The following DMGDH variants were observed in gnomAD, a reference collection of about 807,000 sequenced individuals.
DMGDH encodes the protein dimethylglycine dehydrogenase.
DMGDH carries 76 observed loss-of-function variants against 95.2 expected under a neutral mutation model. The observed-to-expected ratio is 0.80, with a 90% CI of 0.66 to 0.97. The LOEUF is 0.97. Among genes scored for constraint, DMGDH ranks in the 50% least tolerant of loss-of-function variants. DMGDH has a pLI of 0.00. For synonymous variants in DMGDH, 345 were observed against 377.6 expected (o/e 0.91, Z 1.00); for missense variants, 987 against 1,055.0 (o/e 0.94, Z 0.89).
At position 79,063,676 on chromosome 5, in the gene DMGDH, T is replaced by A. The variant is rs777644267; in HGVS notation, c.213A>T (p.Ala71=). 1.2e-6 allele frequency: 2 copies of A among 1,614,222 alleles called. No homozygotes were observed. The highest frequency in any genetic ancestry group is 1.7e-6 in the Non-Finnish European group (2 of 1,180,040). The part of the protein sequence containing the change: ...GVSLAYHLAK[A]GMKDVVLLEK... ...CCAGCAGGACCACATCTTTCATCCC[T>A]GCTTTGGCCAGGTGATAAGCCAGAC... Residue 71 remains alanine (A), a synonymous_variant, in exon 2 of 16, where the codon GCA becomes GCT. Transcript: ENST00000255189.
chr5:79,007,066 T>C (rs1042033512), intron 14 of DMGDH, among the ~76,000 whole-genome samples: 1 of 152,242 alleles, frequency 6.6e-6, no homozygotes, highest in Non-Finnish European at 1.5e-5. Context: ...AGCTTTATTA[T>C]GAAGCCAGAT....
At chr5:79,058,727 T>A (rs1755105576) in intron 2 of DMGDH, among the ~76,000 whole-genome samples, 1 of 152,218 alleles carries the variant, frequency 6.6e-6, no homozygotes, top group South Asian at 2.1e-4. Flanking sequence ...TAAGAATTTG[T>A]AAATCTTTCT....
chr5:79,015,375 G>A (rs374889100), intron 14 of DMGDH, among the ~76,000 whole-genome samples: 5 of 152,080 alleles, frequency 3.3e-5, no homozygotes, highest in African/African-American at 1.2e-4. Context: ...GTCATCAGAC[G>A]AACTCACTTT....
chr5:79,021,155 G>A, intron 14 of DMGDH: 1 of 987,622 alleles, frequency 1.0e-6, no homozygotes, highest in Non-Finnish European at 1.2e-6. Flanking sequence ...CGCAGCTTTG[G>A]TCAAGGCTTC....
intron 7 of DMGDH, among the ~76,000 whole-genome samples, chr5:79,039,450 C>T (rs1015740295): frequency 6.6e-6 from 1 of 151,778 alleles, no homozygotes; most frequent in African/African-American, 2.4e-5. Flanking sequence ...AGTAAACTAT[C>T]GCAACGACAA....
At chr5:79,007,417 G>A (rs1347346653) in intron 14 of DMGDH, among the ~76,000 whole-genome samples, 3 of 152,142 alleles carry the variant, frequency 2.0e-5, no homozygotes, top group Non-Finnish European at 2.9e-5. Flanking sequence ...TTTGGTATAT[G>A]TGGGGGTTCT....
Position 78,998,169 on chromosome 5 carries a change from G to A in DMGDH, c.2514C>T (p.Tyr838=). The A allele has an allele frequency of 6.2e-7, 1 of 1,614,144 alleles. No individual in the cohort carries two copies. Among genetic ancestry groups the A allele is most frequent in the South Asian group, 1.1e-5 (1 of 91,072 alleles). ...QVEVELLGKN[Y]PAVIIQEPLV... is the part of the protein sequence containing the mutation. ...AAGGTTCTTGTATGATGACTGCTGG[G>A]TAATTTTTGCCTAATAGTTCAACTT... The change falls in exon 16 of 16, where the codon TAC becomes TAT. Residue 838 remains tyrosine, a synonymous_variant. Coordinates refer to ENST00000255189, the MANE Select transcript of DMGDH (RefSeq NM_013391.3).
Position 79,044,412 on chromosome 5 carries a change from CT to C in DMGDH, c.885del (p.Gly296AspfsTer23). The C allele has an allele frequency of 6.2e-7, 1 of 1,614,170 alleles. No individual in the cohort carries two copies. Among genetic ancestry groups the C allele is most frequent in the African/African-American group, 1.3e-5 (1 of 75,040 alleles). On this transcript the variant is annotated frameshift_variant, in exon 6 of 16. Transcript: ENST00000255189. LOFTEE classifies it high-confidence loss of function. ...KRELPVLRDL[E>X]GSYYLRQERD... ...CTTTCCTGTCGGAGATAATATGATC[CT>C]TCCAGGTCACGGAGCACAGGCAGTT... is the stretch of plus-strand genomic sequence containing the variant.
intron 5 of DMGDH, 111 bp downstream of exon 5, chr5:79,051,176 G>C: frequency 4.2e-6 from 5 of 1,183,246 alleles, no homozygotes; most frequent in Non-Finnish European, 1.3e-6. Flanking sequence ...TGTTTAACTT[G>C]GGAGCATCAC....
intron 14 of DMGDH, among the ~76,000 whole-genome samples, chr5:79,009,342 C>CTTCTTTTCTT (rs201648827): frequency 1.4e-5 from 2 of 143,450 alleles, no homozygotes; most frequent in African/African-American, 2.6e-5. Flanking sequence ...TACTTTCTTT[C>CTTCTTTTCTT]TTCTTTTCTT....
At chr5:79,053,622 T>C (rs973184669) in intron 4 of DMGDH, among the ~76,000 whole-genome samples, 1 of 152,188 alleles carries the variant, frequency 6.6e-6, no homozygotes, top group Non-Finnish European at 1.5e-5. Flanking sequence ...TTAGCCATTG[T>C]TATTATTATT....
rs531286136 is a variant in DMGDH at position 79,068,276 on chromosome 5, T to A, written c.101+1244A>T. On this transcript the variant is annotated intron_variant, in intron 1 of 15. Transcript: ENST00000255189. ...GTATCTTATTTATCTAATCAGTTTGTTTGTTAAATTTCCATTTTATTTTGC... is the reference window on the plus strand; with the variant it reads ...GTATCTTATTTATCTAATCAGTTTGATTGTTAAATTTCCATTTTATTTTGC... Among the ~76,000 whole-genome samples, 3 of 151,062 alleles carry A rather than the reference T, an allele frequency of 2.0e-5. No individual in the cohort carries two copies. The South Asian group carries it at 6.2e-4, about 31-fold the overall frequency.
chr5:79,034,711 CACA>C (rs1754287740), intron 7 of DMGDH, among the ~76,000 whole-genome samples: 1 of 152,108 alleles, frequency 6.6e-6, no homozygotes. Context: ...TAACTTTTCC[CACA>C]ACAAGACACC....
chr5:79,069,021 C>A (rs642934), intron 1 of DMGDH, among the ~76,000 whole-genome samples: 110,542 of 152,154 alleles, frequency 0.73, 40,824 homozygotes, highest in East Asian at 0.79. Context: ...AGATAGATGC[C>A]TAAGAATTTT....
At chr5:79,032,272 C>T (rs1184735914) in intron 9 of DMGDH, among the ~76,000 whole-genome samples, 1 of 152,216 alleles carries the variant, frequency 6.6e-6, no homozygotes, top group African/African-American at 2.4e-5. Context: ...AAAGCAGTTG[C>T]TTTGAGCAAT....
At chr5:78,998,832 A>T (rs1483713602) in intron 15 of DMGDH, among the ~76,000 whole-genome samples, 1 of 152,214 alleles carries the variant, frequency 6.6e-6, no homozygotes, top group Non-Finnish European at 1.5e-5. Flanking sequence ...CCTGGATGAC[A>T]GAGTGAGACT....
intron 14 of DMGDH, among the ~76,000 whole-genome samples, chr5:79,022,152 T>G (rs182586354): frequency 6.6e-6 from 1 of 152,364 alleles, no homozygotes; most frequent in Admixed American, 6.5e-5. Context: ...CCAGGGTTTT[T>G]GCTGTGTTTG....
At chr5:79,057,256 C>G (rs1290672056) in intron 2 of DMGDH, among the ~76,000 whole-genome samples, 1 of 152,184 alleles carries the variant, frequency 6.6e-6, no homozygotes, top group African/African-American at 2.4e-5. Context: ...AAAAAGAATT[C>G]TAAGCAATTA....
At chr5:79,002,172 A>C (rs1432553558) in intron 15 of DMGDH, among the ~76,000 whole-genome samples, 4 of 152,184 alleles carry the variant, frequency 2.6e-5, no homozygotes, top group African/African-American at 4.8e-5. Context: ...AAGTTAACAT[A>C]ATTTAAGTTT....
Sources: allele counts gnomAD v4.1 joint callset (sites outside exome capture counted in the v4.1 genomes callset), GRCh38; gene constraint gnomAD v4.1.1; transcripts MANE v1.5; gene names NCBI Gene and HGNC (gene_info 2026-07-23, HGNC 2026-07-21).